The following UBE2E2 variants were observed in gnomAD, a reference collection of about 807,000 sequenced individuals.
UBE2E2 encodes the protein ubiquitin conjugating enzyme E2 E2.
UBE2E2 carries 6 observed loss-of-function variants against 24.7 expected under a neutral mutation model. The observed-to-expected ratio is 0.24, with a 90% CI of 0.13 to 0.48. The LOEUF is 0.48. Among genes scored for constraint, UBE2E2 ranks in the 20% least tolerant of loss-of-function variants. UBE2E2 has a pLI of 0.99. For synonymous variants in UBE2E2, 104 were observed against 83.6 expected (o/e 1.24, Z -1.33); for missense variants, 169 against 245.0 (o/e 0.69, Z 2.07).
chr3:23,462,842 A>G (rs966911540), intron 3 of UBE2E2, among the ~76,000 whole-genome samples: 1 of 152,144 alleles, frequency 6.6e-6, no homozygotes, highest in Admixed American at 6.5e-5. Flanking sequence ...AACCCCACTT[A>G]TCAGCATTGT....
At chr3:23,451,884 G>A (rs1233597269) in intron 3 of UBE2E2, among the ~76,000 whole-genome samples, 2 of 152,088 alleles carry the variant, frequency 1.3e-5, no homozygotes, top group African/African-American at 4.8e-5. Flanking sequence ...TAAGAGGGAT[G>A]GATGTTGTTG....
intron 3 of UBE2E2, among the ~76,000 whole-genome samples, chr3:23,401,399 A>G (rs1010908643): frequency 3.3e-5 from 5 of 152,204 alleles, no homozygotes; most frequent in Admixed American, 3.3e-4. Flanking sequence ...TAATTCTCAC[A>G]TTTGCTTAGG....
Position 23,274,502 on chromosome 3 carries a change from C to T in UBE2E2, c.227+57190C>T, listed in dbSNP as rs541227849. ...TCCCAAGTACCTGGGACTGTAGGCG[C>T]GCACCACCATGCCTGGCTAATTTTT... On this transcript the variant is annotated intron_variant, in intron 3 of 5. Coordinates refer to ENST00000396703, the MANE Select transcript of UBE2E2 (RefSeq NM_152653.4). Among the ~76,000 whole-genome samples the T allele has an allele frequency of 5.2e-4, 79 of 152,076 alleles. No individual in the cohort carries two copies. In the Middle Eastern group the frequency reaches 0.01, roughly 20 times the overall value.
At chr3:23,370,916 G>C (rs1343694055) in intron 3 of UBE2E2, among the ~76,000 whole-genome samples, 1 of 152,106 alleles carries the variant, frequency 6.6e-6, no homozygotes, top group East Asian at 1.9e-4. Flanking sequence ...GAAAAATGAG[G>C]CTGTTGCTTA....
At chr3:23,307,136 C>A (rs1426678492) in intron 3 of UBE2E2, among the ~76,000 whole-genome samples, 2 of 152,090 alleles carry the variant, frequency 1.3e-5, no homozygotes, top group Non-Finnish European at 2.9e-5. Flanking sequence ...AAATGGTGCC[C>A]ACATTTGATG....
At chr3:23,358,478 G>A (rs892899014) in intron 3 of UBE2E2, among the ~76,000 whole-genome samples, 1 of 152,142 alleles carries the variant, frequency 6.6e-6, no homozygotes, top group Non-Finnish European at 1.5e-5. Flanking sequence ...TTTAAAGGAA[G>A]TGGTGGAAAT....
At chr3:23,308,811 G>C (rs1006912343) in intron 3 of UBE2E2, among the ~76,000 whole-genome samples, 2 of 152,144 alleles carry the variant, frequency 1.3e-5, no homozygotes, top group Non-Finnish European at 1.5e-5. Flanking sequence ...CGGTAGCATG[G>C]CTCTCTCTAA....
At position 23,407,167 on chromosome 3, in the gene UBE2E2, C is replaced by T. The variant is rs938538785; in HGVS notation, c.228-92441C>T. 6.6e-6 allele frequency among the ~76,000 whole-genome samples: 1 copy of T among 152,140 alleles called. No homozygotes were observed. Among genetic ancestry groups the T allele is most frequent in the African/African-American group, 2.4e-5 (1 of 41,420 alleles). ...AGTCTCCCTTTTTCTCTTGAGAACC[C>T]TGACTTTCAGAATGGCCTGGAAAAA... On this transcript the variant is annotated intron_variant, in intron 3 of 5. Transcript: ENST00000396703. This position sits in a 1 kb window ranked among gnomAD's most constrained non-coding sequence, Gnocchi z 4.0.
chr3:23,378,408 A>G lies in UBE2E2; in HGVS notation c.228-121200A>G, dbSNP rs116033714. 3.7e-3 allele frequency among the ~76,000 whole-genome samples: 570 copies of G among 152,302 alleles called. 5 individuals are homozygous for G. The highest frequency in any genetic ancestry group is 0.013 in the African/African-American group (522 of 41,572). On this transcript the variant is annotated intron_variant, in intron 3 of 5. Transcript: ENST00000396703. Reference sequence around the variant, plus strand: ...ATGTTGATTATACTCTAAAGTATACATGTGAAGCTAGAGTTGAATATGAGG... The same window carrying G: ...ATGTTGATTATACTCTAAAGTATACGTGTGAAGCTAGAGTTGAATATGAGG...
intron 3 of UBE2E2, among the ~76,000 whole-genome samples, chr3:23,267,921 A>C: frequency 6.6e-6 from 1 of 151,726 alleles, no homozygotes; most frequent in Admixed American, 6.6e-5. Context: ...CAATAAACGT[A>C]ATCCAGCATA....
intron 3 of UBE2E2, among the ~76,000 whole-genome samples, chr3:23,390,253 G>C (rs1696902292): frequency 1.3e-5 from 2 of 151,998 alleles, no homozygotes; most frequent in African/African-American, 4.8e-5. Context: ...TTACATTTTT[G>C]GTCTGCCCTG....
At chr3:23,315,063 C>G (rs1201474357) in intron 3 of UBE2E2, among the ~76,000 whole-genome samples, 1 of 152,104 alleles carries the variant, frequency 6.6e-6, no homozygotes, top group Non-Finnish European at 1.5e-5. Flanking sequence ...CTCTCTTTAC[C>G]TCCTCTTTAA....
At chr3:23,412,727 T>C (rs189002526) in intron 3 of UBE2E2, among the ~76,000 whole-genome samples, 1 of 152,302 alleles carries the variant, frequency 6.6e-6, no homozygotes, top group Admixed American at 6.5e-5. Flanking sequence ...GCAGTGGTTC[T>C]CAAGGTATGG....
At position 23,546,599 on chromosome 3, in the gene UBE2E2, G is replaced by A. The variant is rs550722783; in HGVS notation, c.508+13898G>A. Among the ~76,000 whole-genome samples the A allele has an allele frequency of 1.3e-4, 19 of 149,778 alleles. No individual in the cohort carries two copies. The South Asian group carries it at 1.5e-3, about 12-fold the overall frequency. On this transcript the variant is annotated intron_variant, in intron 5 of 5. Coordinates refer to ENST00000396703, the MANE Select transcript of UBE2E2 (RefSeq NM_152653.4). ...AACAATTCTCTTGCCTCAGCCTCCC[G>A]AGTAGCTGAAATTACAGGCATGCAC...
chr3:23,354,804 T>C (rs920026374), intron 3 of UBE2E2, among the ~76,000 whole-genome samples: 8 of 152,192 alleles, frequency 5.3e-5, no homozygotes, highest in African/African-American at 1.9e-4. Flanking sequence ...GTTCAACCAT[T>C]GTGGAAGACA....
chr3:23,577,870 A>C (rs1696380683), intron 5 of UBE2E2, among the ~76,000 whole-genome samples: 1 of 152,126 alleles, frequency 6.6e-6, no homozygotes, highest in South Asian at 2.1e-4. Flanking sequence ...CATTTCAAAA[A>C]TCCTAGGACC....
chr3:23,351,010 G>T (rs1213314335), intron 3 of UBE2E2, among the ~76,000 whole-genome samples: 1 of 152,196 alleles, frequency 6.6e-6, no homozygotes, highest in Non-Finnish European at 1.5e-5. Flanking sequence ...CCCACAAAGG[G>T]AAGCCCATCA....
chr3:23,532,837 G>A (rs1695154724), intron 5 of UBE2E2, 136 bp downstream of exon 5: 2 of 843,396 alleles, frequency 2.4e-6, no homozygotes, highest in Non-Finnish European at 1.6e-6. Flanking sequence ...TTCATAGTAT[G>A]TAACTATTTT....
chr3:23,587,033 A>G (rs1053488888), intron 5 of UBE2E2, among the ~76,000 whole-genome samples: 5 of 151,780 alleles, frequency 3.3e-5, no homozygotes, highest in Non-Finnish European at 7.4e-5. Flanking sequence ...TGTCTTGCAT[A>G]TTGTCTGAGG....
Sources: gnomAD v4.1 joint callset for allele counts (sites outside exome capture counted in the v4.1 genomes callset) on GRCh38, gnomAD v4.1.1 for gene constraint, Gnocchi (gnomAD v3.1) non-coding constraint, MANE v1.5 for transcripts, NCBI Gene and HGNC (gene_info 2026-07-23, HGNC 2026-07-21) for gene names.